The following POLG variants were observed in gnomAD, a reference collection of about 807,000 sequenced individuals.
The protein encoded by POLG is DNA polymerase subunit gamma-1.
A neutral mutation model predicts 155.4 loss-of-function variants in POLG; 110 were observed. The ratio of observed to expected loss-of-function variants is 0.71; its 90% CI spans 0.61 to 0.83. POLG has a LOEUF of 0.83. Ranked by LOEUF, POLG falls within the 40% of genes least tolerant of loss-of-function variation. POLG has a pLI of 0.00. For missense variants in POLG, 1,685 were observed against 1,627.5 expected, an observed-to-expected ratio of 1.04 and a Z score of -0.61; for synonymous variants, 701 against 631.5, an observed-to-expected ratio of 1.11 and a Z score of -1.65.
intron 3 of POLG, among the ~76,000 whole-genome samples, chr15:89,329,755 C>T (rs1396539754): frequency 6.6e-6 from 1 of 152,118 alleles, no homozygotes; most frequent in Non-Finnish European, 1.5e-5. Context: ...TGTTAAGGCG[C>T]TCACAGTAGT....
chr15:89,325,092 G>A (rs1166439941), intron 10 of POLG, among the ~76,000 whole-genome samples: 1 of 94,824 alleles, frequency 1.1e-5, no homozygotes, highest in Admixed American at 9.4e-5. Flanking sequence ...GAGAGAGTGA[G>A]TGAGTGAGAG....
intron 21 of POLG, chr15:89,317,770 T>C (rs2055322143): frequency 1.8e-6 from 1 of 561,138 alleles, no homozygotes; most frequent in Non-Finnish European, 3.2e-6. Context: ...TTTTTTTTTT[T>C]TTCCCAGTTT....
At position 89,333,620 on chromosome 15, in the gene POLG, CTG is replaced by C. The variant is rs1491445781; in HGVS notation, c.133_134del (p.Gln45AlafsTer198). On this transcript the variant is annotated frameshift_variant, in exon 2 of 23. Transcript: ENST00000268124. LOFTEE classifies it high-confidence loss of function. The stretch of plus-strand genomic sequence containing the variant: ...GTTGCTGCTGCTGCTGCTGCTGCTG[CTG>C]CTGCTGCCGCCGCCGCTGCCCGTCG... The part of the protein sequence containing the change: ...PSDGQRRRQQ[Q>X]QQQQQQQQQQ... 5 of 1,601,012 alleles carry C rather than the reference CTG, an allele frequency of 3.1e-6. No individual in the cohort carries two copies. Among genetic ancestry groups the C allele is most frequent in the African/African-American group, 2.7e-5 (2 of 74,692 alleles).
In POLG at chr15:89,317,516, A is replaced by C. The variant is rs1353994785; in HGVS notation, c.3503T>G (p.Leu1168Arg). The change falls in exon 22 of 23, where the codon CTG (leucine) becomes CGG (arginine). Residue 1168 changes from leucine to arginine, a missense_variant. Leu to Arg is a moderately radical substitution (Grantham distance 102). Coordinates refer to ENST00000268124, the MANE Select transcript of POLG (RefSeq NM_002693.3). ...LLTRCMFAYK[L>R]GLNDLPQSVA... ...TGACTGGGGCAAGTCATTCAGACCC[A>C]GCTTGTAGGCAAACATGCACCTGAA... is the stretch of plus-strand genomic sequence containing the variant. The C allele has an allele frequency of 6.2e-7, 1 of 1,614,190 alleles. No homozygotes were observed. Among genetic ancestry groups the C allele is most frequent in the Non-Finnish European group, 8.5e-7 (1 of 1,180,018 alleles).
intron 21 of POLG, chr15:89,317,825 C>T (rs1001897942): frequency 6.7e-6 from 3 of 446,100 alleles, no homozygotes; most frequent in South Asian, 4.3e-5. Context: ...CCAATTGGGC[C>T]AGAGTTTGAA....
rs1162839671 is a variant in POLG, at chr15:89,325,085, A to AGTGAGT, written c.1949+364_1949+365insACTCAC. On this transcript the variant is annotated intron_variant, in intron 10 of 22. Coordinates refer to ENST00000268124, the MANE Select transcript of POLG (RefSeq NM_002693.3). Reference sequence around the variant, plus strand: ...GTGAGTGAGTGAGTGAGTGAGTGAGAGAGTGAGTGAGTGAGAGAGTGAGAG... The same window carrying AGTGAGT: ...GTGAGTGAGTGAGTGAGTGAGTGAGAGTGAGTGAGTGAGTGAGTGAGAGAGTGAGAG... Among the ~76,000 whole-genome samples the AGTGAGT allele has an allele frequency of 2.6e-5, 2 of 77,676 alleles. 1 individual carries two copies. The highest frequency in any genetic ancestry group is 1.7e-4 in the African/African-American group (2 of 11,444). The allele number at this position is 77,676 out of a possible 152,430, so 51.0% of individuals were successfully genotyped here.
Position 89,321,284 on chromosome 15 carries a change from A to G in POLG, c.2599-24T>C, listed in dbSNP as rs368659678. The G allele has an allele frequency of 9.3e-6, 15 of 1,612,928 alleles. No individual in the cohort carries two copies. In the African/African-American group the frequency reaches 2.0e-4, roughly 22 times the overall value. ...GGCTGTGGGAAGAGTGAGATACCCA[A>G]ATGAGACTCTTCCTACCCCATTCCT... On this transcript the variant is annotated intron_variant, in intron 16 of 22. Coordinates refer to ENST00000268124, the MANE Select transcript of POLG (RefSeq NM_002693.3).
chr15:89,326,531 G>A, intron 9 of POLG, 81 bp downstream of exon 9: 3 of 1,504,956 alleles, frequency 2.0e-6, no homozygotes, highest in East Asian at 4.6e-5. Context: ...ATGCCTCTGT[G>A]CCAGAACCCA....
In POLG at chr15:89,327,470, C is replaced by G. The variant is rs776890015; in HGVS notation, c.1251-121G>C. 3.3e-4 allele frequency: 286 copies of G among 869,498 alleles called. 1 individual carries two copies. Among genetic ancestry groups the G allele is most frequent in the Middle Eastern group, 3.3e-4 (1 of 3,070 alleles). The allele number at this position is 869,498 out of a possible 1,614,324, so 53.9% of individuals were successfully genotyped here. ...GACATGGCACAGCTCAAAAGTCAGA[C>G]GGCATTAAATCCCAGCTCTACTGTT... On this transcript the variant is annotated intron_variant, in intron 6 of 22. Transcript: ENST00000268124.
rs769637557 is a variant in POLG at position 89,327,004 on chromosome 15, T to G, written c.1493A>C (p.Lys498Thr). The part of the protein sequence containing the change: ...LEWDLQEFKQ[K>T]KAKKVKKEPA... ...TTCCTTCTTCACCTTCTTAGCTTTCTTCTGCTTAAATTCTTGCAGGTCCCA... is the reference window on the plus strand; with the variant it reads ...TTCCTTCTTCACCTTCTTAGCTTTCGTCTGCTTAAATTCTTGCAGGTCCCA... The change falls in exon 8 of 23, where the codon AAG (lysine) becomes ACG (threonine). Residue 498 changes from lysine (K) to threonine (T), a missense_variant. Around this residue, in one of 3 missense-constraint regions of POLG, gnomAD observed 1,210 missense variants for 1,167.1 expected, o/e 1.04. Transcript: ENST00000268124. The G allele has an allele frequency of 2.0e-4, 323 of 1,614,102 alleles. 2 individuals carry two copies. Among genetic ancestry groups the G allele is most frequent in the Non-Finnish European group, 2.7e-4 (314 of 1,180,054 alleles).
chr15:89,324,500 GAGAGCAC>G (rs2055443938), intron 10 of POLG, among the ~76,000 whole-genome samples: 1 of 152,222 alleles, frequency 6.6e-6, no homozygotes, highest in Non-Finnish European at 1.5e-5. Flanking sequence ...GAGAAGTTCT[GAGAGCAC>G]AGCAGCGGGA....
At chr15:89,325,063 A>G (rs2055459271) in intron 10 of POLG, among the ~76,000 whole-genome samples, 2 of 103,258 alleles carry the variant, frequency 1.9e-5, no homozygotes, top group African/African-American at 8.5e-5. Context: ...TGAGAGAGTG[A>G]GTGAGTGAGT....
rs769410130 is a variant in POLG at position 89,329,051 on chromosome 15, G to C, written c.915C>G (p.Ser305Arg). The change falls in exon 4 of 23, where the codon AGC becomes AGG. Residue 305 changes from serine to arginine, a missense_variant. Coordinates refer to ENST00000268124, the MANE Select transcript of POLG (RefSeq NM_002693.3). Reference sequence around the variant, plus strand: ...CTATCCACAGACTGCGCTGGAAGCTGCTTAGCCCTGAGATGGCCATGTGCA... The same window carrying C: ...CTATCCACAGACTGCGCTGGAAGCTCCTTAGCCCTGAGATGGCCATGTGCA... ...MSMHMAISGL[S>R]SFQRSLWIAA... 10 of 1,613,076 alleles carry C rather than the reference G, an allele frequency of 6.2e-6. No individual in the cohort carries two copies. The highest frequency in any genetic ancestry group is 1.7e-5 in the Admixed American group (1 of 60,014).
intron 2 of POLG, 152 bp downstream of exon 2, chr15:89,332,944 C>A: frequency 9.7e-7 from 1 of 1,031,718 alleles, no homozygotes. Context: ...AAGTGAGTCC[C>A]ACATAAACAG....
At position 89,321,964 on chromosome 15, in the gene POLG, G is replaced by A. The variant is rs1439693597; in HGVS notation, c.2478C>T (p.Ile826=). ...TACAACCACTCAGCAGACCATACCT[G>A]ATCACAGCACGGGGCAGAGCTGACC... The part of the protein sequence containing the change: ...LPRSALPRAV[I]RHPDYDEEGL... The change falls in exon 15 of 23, where the codon ATC becomes ATT. Residue 826 remains isoleucine, a splice_region_variant and synonymous_variant. Transcript: ENST00000268124. 6.2e-7 allele frequency: 1 copy of A among 1,613,898 alleles called. No individual in the cohort carries two copies. The highest frequency in any genetic ancestry group is 8.5e-7 in the Non-Finnish European group (1 of 1,179,904).
Position 89,333,153 on chromosome 15 carries a change from A to C in POLG, c.602T>G (p.Val201Gly), listed in dbSNP as rs750928338. The C allele has an allele frequency of 1.2e-5, 18 of 1,540,028 alleles. No individual in the cohort carries two copies. Among genetic ancestry groups the C allele is most frequent in the African/African-American group, 2.8e-5 (2 of 72,290 alleles). ...GGGGCAAGTTCCCTCTGCCAAGCAG[A>C]CCTCCACGTCGAACACCAGGGCCCG... ...EERALVFDVE[V>G]CLAEGTCPTL... Residue 201 changes from valine (V) to glycine (G), a missense_variant, in exon 2 of 23, where the codon GTC becomes GGC. Transcript: ENST00000268124.
At chr15:89,331,433 G>T (rs1255046059) in intron 2 of POLG, among the ~76,000 whole-genome samples, 4 of 152,238 alleles carry the variant, frequency 2.6e-5, no homozygotes, top group Non-Finnish European at 4.4e-5. Flanking sequence ...CTGGTGTCAA[G>T]ATGCAGCTCT....
intron 14 of POLG, among the ~76,000 whole-genome samples, chr15:89,322,339 GC>G (rs1298242746): frequency 2.0e-5 from 3 of 152,156 alleles, no homozygotes; most frequent in Non-Finnish European, 2.9e-5. Flanking sequence ...CACTCTGCTC[GC>G]CAGTGTGCTG....
In POLG at chr15:89,332,991, C is replaced by T. The variant is rs555998605; in HGVS notation, c.659+105G>A. The T allele has an allele frequency of 2.5e-3, 3,509 of 1,429,294 alleles. 4 individuals carry two copies. Among genetic ancestry groups the T allele is most frequent in the Non-Finnish European group, 2.9e-3 (3,147 of 1,071,952 alleles). 88.5% of individuals were successfully genotyped at this position (1,429,294 alleles called of 1,614,324 possible). On this transcript the variant is annotated intron_variant, in intron 2 of 22. Transcript: ENST00000268124. ...TAATTCAACACATCAGCGCTCCCTA[C>T]GTGAGCACCCAGCCCGTAACAGGAC...
Sources: allele counts gnomAD v4.1 joint callset (sites outside exome capture counted in the v4.1 genomes callset), GRCh38; gene constraint gnomAD v4.1.1; regional missense constraint gnomAD v4.1.1; transcripts MANE v1.5; gene names NCBI Gene and HGNC (gene_info 2026-07-23, HGNC 2026-07-21).